Variants in TMEM268 observed in about 807,000 individuals in gnomAD.
TMEM268 encodes the protein transmembrane protein C9orf91.
A neutral mutation model predicts 39.1 loss-of-function variants in TMEM268; 24 were observed. The ratio of observed to expected loss-of-function variants is 0.61; its 90% CI spans 0.44 to 0.86. TMEM268 has a LOEUF of 0.86. Among genes scored for constraint, TMEM268 ranks in the 40% least tolerant of loss-of-function variants. The pLI, the probability that TMEM268 is intolerant of heterozygous loss-of-function variation, is 0.00. For synonymous variants in TMEM268, 176 were observed against 173.5 expected, an observed-to-expected ratio of 1.01 and a Z score of -0.12; for missense variants, 409 against 428.6, an observed-to-expected ratio of 0.95 and a Z score of 0.40.
chr9:114,625,920 G>A (rs1589341837), intron 3 of TMEM268, among the ~76,000 whole-genome samples: 2 of 151,252 alleles, frequency 1.3e-5, no homozygotes, highest in East Asian at 1.9e-4. Flanking sequence ...TCTGCCTCCC[G>A]GCTTCAAGCA....
intron 5 of TMEM268, 32 bp from the exon 6 acceptor site, chr9:114,633,736 G>T: frequency 7.9e-7 from 1 of 1,260,352 alleles, no homozygotes. Flanking sequence ...TAGCATGGAG[G>T]TCTGGTGATG....
At chr9:114,612,778 T>C (rs1456891082) in intron 1 of TMEM268, among the ~76,000 whole-genome samples, 1 of 152,166 alleles carries the variant, frequency 6.6e-6, no homozygotes, top group Non-Finnish European at 1.5e-5. Flanking sequence ...TCTCACTGCC[T>C]TGTTGCAATT....
At chr9:114,606,450 G>A (rs1198801444), upstream of TMEM268, among the ~76,000 whole-genome samples, 1 of 152,234 alleles carries the variant, frequency 6.6e-6, no homozygotes, top group Non-Finnish European at 1.5e-5. Context: ...ATTTGAGGAT[G>A]TGACTTCCGG....
At chr9:114,633,131 G>T (rs1277099463) in intron 5 of TMEM268, among the ~76,000 whole-genome samples, 2 of 151,684 alleles carry the variant, frequency 1.3e-5, no homozygotes, top group Non-Finnish European at 1.5e-5. Flanking sequence ...AAGTAGTTGG[G>T]ACTACAGGTG....
rs186044465 is a variant in TMEM268 at position 114,612,094 on chromosome 9, C to G, written c.-79+530C>G. Among the ~76,000 whole-genome samples, 482 of 152,310 alleles carry G rather than the reference C, an allele frequency of 3.2e-3. 2 individuals carry two copies. The highest frequency in any genetic ancestry group is 5.5e-3 in the Non-Finnish European group (371 of 68,026). On this transcript the variant is annotated intron_variant, in intron 1 of 8. Coordinates refer to ENST00000288502, the MANE Select transcript of TMEM268 (RefSeq NM_153045.4). ...TCAAGGTTTTTCCGCCCCGAAACTTCTGTAACAGGCCCTCTTAGGGTCTCG... is the reference window on the plus strand; with the variant it reads ...TCAAGGTTTTTCCGCCCCGAAACTTGTGTAACAGGCCCTCTTAGGGTCTCG...
chr9:114,607,213 A>G (rs966109162), upstream of TMEM268, among the ~76,000 whole-genome samples: 2 of 152,224 alleles, frequency 1.3e-5, no homozygotes, highest in Non-Finnish European at 2.9e-5. Flanking sequence ...TATGCATTTA[A>G]CAATTACTGA....
intron 5 of TMEM268, among the ~76,000 whole-genome samples, chr9:114,629,139 A>G (rs1343106106): frequency 6.6e-6 from 1 of 152,258 alleles, no homozygotes; most frequent in Non-Finnish European, 1.5e-5. Context: ...TCTTAGCCAC[A>G]ACGCTAGAGA....
chr9:114,640,870 T>G (rs1027842759), intron 8 of TMEM268, among the ~76,000 whole-genome samples: 1 of 151,488 alleles, frequency 6.6e-6, no homozygotes, highest in Non-Finnish European at 1.5e-5. Context: ...TCTATTAGTC[T>G]CTCTCTCTCT....
intron 2 of TMEM268, among the ~76,000 whole-genome samples, chr9:114,623,107 A>G (rs1048498332): frequency 6.6e-6 from 1 of 151,134 alleles, no homozygotes; most frequent in Non-Finnish European, 1.5e-5. Flanking sequence ...CAACAACAAC[A>G]ACAACAACAA....
At position 114,643,275 on chromosome 9, in the gene TMEM268, A is replaced by AT. The variant is rs1282954879; in HGVS notation, c.992dup (p.Leu332ProfsTer14). The AT allele has an allele frequency of 1.2e-6, 2 of 1,614,098 alleles. No homozygotes were observed. Among genetic ancestry groups the AT allele is most frequent in the Non-Finnish European group, 1.7e-6 (2 of 1,179,986 alleles). Reference sequence around the variant, plus strand: ...CCCCTGCCAGCTCATAGAAGCCTACATCCTAGGCACAGGGTGCTGCCCGTT... The same window carrying AT: ...CCCCTGCCAGCTCATAGAAGCCTACATTCCTAGGCACAGGGTGCTGCCCGTT... On this transcript the variant is annotated frameshift_variant, in exon 9 of 9. Coordinates refer to ENST00000288502, the MANE Select transcript of TMEM268 (RefSeq NM_153045.4). LOFTEE classifies it high-confidence loss of function.
Position 114,633,790 on chromosome 9 carries a change from G to A in TMEM268, c.497G>A (p.Arg166Lys), listed in dbSNP as rs1846508392. The A allele has an allele frequency of 6.2e-7, 1 of 1,600,806 alleles. No individual in the cohort carries two copies. The change falls in exon 6 of 9, where the codon AGG becomes AAG. Residue 166 changes from arginine to lysine, a missense_variant. Physicochemically the swap from Arg to Lys is conservative, Grantham distance 26. Coordinates refer to ENST00000288502, the MANE Select transcript of TMEM268 (RefSeq NM_153045.4). ...CAGGCCAACACCAACACGGACCTGA[G>A]GCTGGCAGCTGCCAATGGAGCCCTC... ...QKKANTNTDL[R>K]LAAANGALLR...
chr9:114,604,943 G>T, the TMEM268 span, among the ~76,000 whole-genome samples: 1 of 152,214 alleles, frequency 6.6e-6, no homozygotes, highest in African/African-American at 2.4e-5. Context: ...AGATCAGCCT[G>T]CAGGCTGCAA....
chr9:114,637,064 C>A lies in TMEM268; in HGVS notation c.660C>A (p.Ser220Arg). 1 of 1,603,386 alleles carries A rather than the reference C, an allele frequency of 6.2e-7. No individual in the cohort carries two copies. The highest frequency in any genetic ancestry group is 8.5e-7 in the Non-Finnish European group (1 of 1,170,592). The change falls in exon 7 of 9, where the codon AGC becomes AGA. Residue 220 changes from serine to arginine, a missense_variant. Physicochemically the swap from Ser to Arg is moderately radical, Grantham distance 110 (BLOSUM62 -1). Coordinates refer to ENST00000288502, the MANE Select transcript of TMEM268 (RefSeq NM_153045.4). Reference sequence around the variant, plus strand: ...ATCATGTTCAAGAAATGAAGACTAGCCAAGAGGTAAGATATCTTCAGTGAA... The same window carrying A: ...ATCATGTTCAAGAAATGAAGACTAGACAAGAGGTAAGATATCTTCAGTGAA... ...LSDHVQEMKT[S>R]QESLLRSRLS...
At chr9:114,633,652 G>C in intron 5 of TMEM268, 116 bp from the exon 6 acceptor site, 1 of 546,812 alleles carries the variant, frequency 1.8e-6, no homozygotes, top group South Asian at 2.6e-5. Flanking sequence ...ACAGTCCTGA[G>C]GGTGGGGATT....
In TMEM268 at chr9:114,619,305, ACACACACACACACACAGACACACACAT is replaced by A; in HGVS notation, c.106+2005_106+2031del. The stretch of plus-strand genomic sequence containing the variant: ...TGCGTGCACGCGTGCACACACACAC[ACACACACACACACACAGACACACACAT>A]TTTTCTTTGGTAGCTTTACTTAGCC... On this transcript the variant is annotated intron_variant, in intron 2 of 8. Coordinates refer to ENST00000288502, the MANE Select transcript of TMEM268 (RefSeq NM_153045.4). Among the ~76,000 whole-genome samples the A allele has an allele frequency of 1.3e-5, 2 of 151,974 alleles. 1 individual carries two copies. Among genetic ancestry groups the A allele is most frequent in the South Asian group, 4.1e-4 (2 of 4,820 alleles).
rs918183353 is a variant in TMEM268 at position 114,627,122 on chromosome 9, C to T, written c.324+116C>T. On this transcript the variant is annotated intron_variant, in intron 4 of 8. Transcript: ENST00000288502. ...GGTCAGGGGCTTGGGGGCTGTTGGCCCAGGTGCCTGGAAACGAGCAGTACA... is the reference window on the plus strand; with the variant it reads ...GGTCAGGGGCTTGGGGGCTGTTGGCTCAGGTGCCTGGAAACGAGCAGTACA... 4.3e-6 allele frequency: 3 copies of T among 695,644 alleles called. No homozygotes were observed. In the Admixed American group the frequency reaches 6.9e-5, roughly 16 times the overall value. 43.1% of individuals were successfully genotyped at this position (695,644 alleles called of 1,614,324 possible).
chr9:114,642,226 C>T (rs962929973), intron 8 of TMEM268, among the ~76,000 whole-genome samples: 2 of 152,152 alleles, frequency 1.3e-5, no homozygotes, highest in Non-Finnish European at 2.9e-5. Context: ...CTAGAAACCA[C>T]CATTTTACTT....
At chr9:114,619,817 C>A (rs988433162) in intron 2 of TMEM268, among the ~76,000 whole-genome samples, 1 of 152,156 alleles carries the variant, frequency 6.6e-6, no homozygotes, top group African/African-American at 2.4e-5. Flanking sequence ...AAGCATAGTG[C>A]CTGGTGCTTA....
At chr9:114,627,102 G>C (rs1846195200) in intron 4 of TMEM268, 96 bp downstream of exon 4, 3 of 838,034 alleles carry the variant, frequency 3.6e-6, no homozygotes, top group Non-Finnish European at 5.9e-6. Context: ...GTGTGGGTCA[G>C]GGGCTTGGGG....
Sources: allele counts gnomAD v4.1 joint callset (sites outside exome capture counted in the v4.1 genomes callset), GRCh38; gene constraint gnomAD v4.1.1; transcripts MANE v1.5; gene names NCBI Gene and HGNC (gene_info 2026-07-23, HGNC 2026-07-21).